The following TBC1D22B variants were observed in gnomAD, a reference collection of about 807,000 sequenced individuals.
The protein encoded by TBC1D22B is chromosome 6 open reading frame 197.
TBC1D22B carries 32 observed loss-of-function variants against 69.1 expected under a neutral mutation model. The observed-to-expected ratio is 0.46, with a 90% CI of 0.35 to 0.62. TBC1D22B has a LOEUF of 0.62. TBC1D22B is among the 20% of genes least tolerant of loss of function. The pLI is 0.00. For missense variants in TBC1D22B, 462 were observed against 630.9 expected (o/e 0.73, Z 2.87); for synonymous variants, 206 against 229.8 (o/e 0.90, Z 0.94).
chr6:37,259,706 C>T (rs550582548), intron 1 of TBC1D22B, among the ~76,000 whole-genome samples: 2 of 152,264 alleles, frequency 1.3e-5, no homozygotes, highest in East Asian at 3.9e-4. Flanking sequence ...AAATAGAGAA[C>T]TTTCGAGTTC....
At chr6:37,264,763 A>G (rs777845677) in intron 1 of TBC1D22B, among the ~76,000 whole-genome samples, 1 of 152,238 alleles carries the variant, frequency 6.6e-6, no homozygotes, top group Non-Finnish European at 1.5e-5. Flanking sequence ...AGAATGTTGC[A>G]GGATGGATAC....
chr6:37,289,344 G>A (rs1486212249), intron 7 of TBC1D22B, among the ~76,000 whole-genome samples: 2 of 152,174 alleles, frequency 1.3e-5, no homozygotes, highest in African/African-American at 2.4e-5. Context: ...GACCTCCAGC[G>A]GTTCTCCTAT....
At chr6:37,326,394 A>AG (rs1562070456) in intron 12 of TBC1D22B, among the ~76,000 whole-genome samples, 2 of 150,480 alleles carry the variant, frequency 1.3e-5, no homozygotes, top group Admixed American at 6.6e-5. Flanking sequence ...AAAAAAAAAA[A>AG]GTATTCTCTT....
At chr6:37,319,291 T>G (rs1768170532) in intron 12 of TBC1D22B, among the ~76,000 whole-genome samples, 1 of 152,228 alleles carries the variant, frequency 6.6e-6, no homozygotes, top group Non-Finnish European at 1.5e-5. Context: ...GGAATGGCTG[T>G]ATGCTGGGAT....
chr6:37,302,206 A>G (rs1053591436), intron 8 of TBC1D22B, among the ~76,000 whole-genome samples: 1 of 152,196 alleles, frequency 6.6e-6, no homozygotes, highest in Non-Finnish European at 1.5e-5. Flanking sequence ...CCTTGCCCCC[A>G]AGCAGCTTCT....
intron 8 of TBC1D22B, among the ~76,000 whole-genome samples, chr6:37,302,639 AC>A (rs968663125): frequency 2.0e-5 from 3 of 152,214 alleles, no homozygotes; most frequent in Non-Finnish European, 4.4e-5. Context: ...TTTGCATAAA[AC>A]AGCACAGTAG....
chr6:37,297,690 GAAGTAT>G (rs1255715426), intron 8 of TBC1D22B, among the ~76,000 whole-genome samples: 2 of 152,056 alleles, frequency 1.3e-5, no homozygotes, highest in East Asian at 3.8e-4. Context: ...AATTGTAGTA[GAAGTAT>G]GTTTATTAAA....
At chr6:37,330,194 A>G (rs1270132871) in intron 12 of TBC1D22B, among the ~76,000 whole-genome samples, 4 of 131,008 alleles carry the variant, frequency 3.1e-5, no homozygotes, top group Non-Finnish European at 4.9e-5. Context: ...TTTATCTTCT[A>G]TAGATGTTAT....
intron 8 of TBC1D22B, among the ~76,000 whole-genome samples, chr6:37,305,207 T>TA (rs1767674589): frequency 6.6e-6 from 1 of 152,184 alleles, no homozygotes; most frequent in African/African-American, 2.4e-5. Context: ...CCCAGTCTGT[T>TA]CCTCCCTGTC....
At chr6:37,324,289 C>T (rs1222626010) in intron 12 of TBC1D22B, 1 of 456,578 alleles carries the variant, frequency 2.2e-6, no homozygotes, top group Admixed American at 2.4e-5. Context: ...AATTAGTCAA[C>T]TCTTAGTCAC....
intron 2 of TBC1D22B, among the ~76,000 whole-genome samples, chr6:37,274,719 C>T (rs1468921155): frequency 1.3e-5 from 2 of 152,166 alleles, no homozygotes; most frequent in African/African-American, 4.8e-5. Context: ...TCGTCAGAGG[C>T]CAGTTTGGTT....
At chr6:37,295,554 C>G in intron 8 of TBC1D22B, 1 of 398,996 alleles carries the variant, frequency 2.5e-6, no homozygotes, top group South Asian at 2.2e-5. Flanking sequence ...GGCATGTCTT[C>G]TGAGTCTCCG....
intron 5 of TBC1D22B, 63 bp from the exon 6 acceptor site, chr6:37,284,273 A>C (rs192996422): frequency 2.6e-5 from 42 of 1,611,774 alleles, no homozygotes; most frequent in Admixed American, 3.3e-5. Flanking sequence ...ATAGATTAAA[A>C]TAAAAATTAA....
Position 37,284,469 on chromosome 6 carries a change from A to T in TBC1D22B, c.801+5A>T. 1 of 1,563,146 alleles carries T rather than the reference A, an allele frequency of 6.4e-7. No homozygotes were observed. The highest frequency in any genetic ancestry group is 1.2e-5 in the South Asian group (1 of 81,464). On this transcript the variant is annotated splice_donor_5th_base_variant and intron_variant, in intron 6 of 12. Coordinates refer to ENST00000373491, the MANE Select transcript of TBC1D22B (RefSeq NM_017772.4). Reference sequence around the variant, plus strand: ...CACCAGGATACCTACAGACAGGTACAGTCACCACCTGCTGCCTCTTTGCTT... The same window carrying T: ...CACCAGGATACCTACAGACAGGTACTGTCACCACCTGCTGCCTCTTTGCTT...
chr6:37,276,023 G>C (rs1766660887), intron 2 of TBC1D22B, among the ~76,000 whole-genome samples: 2 of 148,502 alleles, frequency 1.3e-5, no homozygotes, highest in Non-Finnish European at 3.0e-5. Flanking sequence ...GGAGTGCAGT[G>C]GCACAATTAT....
At chr6:37,303,486 G>A (rs1440993813) in intron 8 of TBC1D22B, among the ~76,000 whole-genome samples, 1 of 152,084 alleles carries the variant, frequency 6.6e-6, no homozygotes, top group East Asian at 1.9e-4. Flanking sequence ...GTCAGGCCTG[G>A]ATTGCTGAAC....
At chr6:37,308,310 C>T (rs778913858) in intron 8 of TBC1D22B, among the ~76,000 whole-genome samples, 4 of 152,164 alleles carry the variant, frequency 2.6e-5, no homozygotes, top group African/African-American at 7.2e-5. Context: ...CTCAAGTGGA[C>T]GCTTAATGAT....
At chr6:37,280,551 G>A (rs1461282840) in intron 3 of TBC1D22B, among the ~76,000 whole-genome samples, 1 of 152,228 alleles carries the variant, frequency 6.6e-6, no homozygotes, top group Non-Finnish European at 1.5e-5. Context: ...TGGACCAGGT[G>A]GCCACAGCTG....
Position 37,320,154 on chromosome 6 carries a change from A to T in TBC1D22B, c.1389+2948A>T, listed in dbSNP as rs554469544. Among the ~76,000 whole-genome samples the T allele has an allele frequency of 3.9e-5, 6 of 152,330 alleles. No individual in the cohort carries two copies. The East Asian group carries it at 9.6e-4, about 24-fold the overall frequency. On this transcript the variant is annotated intron_variant, in intron 12 of 12. Coordinates refer to ENST00000373491, the MANE Select transcript of TBC1D22B (RefSeq NM_017772.4). ...TTGAAGAACAGGGAAAAAGAGCCAG[A>T]TATAAAGGGAGCCAGTAAGGGGTTC...
Sources: allele counts gnomAD v4.1 joint callset (sites outside exome capture counted in the v4.1 genomes callset), GRCh38; gene constraint gnomAD v4.1.1; transcripts MANE v1.5; gene names NCBI Gene and HGNC (gene_info 2026-07-23, HGNC 2026-07-21).